Variants in IGSF1 observed in about 807,000 individuals in gnomAD.
The protein encoded by IGSF1 is immunoglobulin superfamily member 1.
IGSF1 carries 40 observed loss-of-function variants against 95.3 expected under a neutral mutation model. The observed-to-expected ratio is 0.42, with a 90% CI of 0.33 to 0.55. The LOEUF (loss-of-function observed/expected upper bound fraction) is 0.55. Ranked by LOEUF, IGSF1 falls within the 20% of genes least tolerant of loss-of-function variation. The pLI, the probability that IGSF1 is intolerant of heterozygous loss-of-function variation, is 0.10. For missense variants in IGSF1, 906 were observed against 1,025.4 expected (o/e 0.88, Z 1.59); for synonymous variants, 372 against 382.9 (o/e 0.97, Z 0.33).
intron 9 of IGSF1, among the ~76,000 whole-genome samples, chrX:131,280,600 A>G (rs2080543701): frequency 8.9e-6 from 1 of 112,090 alleles, no homozygotes; most frequent in African/African-American, 3.2e-5. Flanking sequence ...AGGAAATGGC[A>G]GGAGAATCTG....
In IGSF1 at chrX:131,282,675, C is replaced by T. The variant is rs1439079344; in HGVS notation, c.1015G>A (p.Val339Met). The T allele has an allele frequency of 8.3e-7, 1 of 1,210,707 alleles. No homozygotes were observed. The highest frequency in any genetic ancestry group is 1.8e-5 in the South Asian group (1 of 56,944). ...PSAVVQMGQN[V>M]SLRCRGPVDG... ...ACTGGTCCTCGACACCGTAGGCTCA[C>T]ATTCTGACCCATTTGGACCACAGCA... The change falls in exon 7 of 20, where the codon GTG (valine) becomes ATG (methionine). Residue 339 changes from valine (V) to methionine (M), a missense_variant. Around this residue, in one of 5 missense-constraint regions of IGSF1, gnomAD observed 442 missense variants for 448.1 expected, o/e 0.99. Transcript: ENST00000361420.
At chrX:131,277,664 C>G in intron 13 of IGSF1, 192 bp downstream of exon 13, 2 of 434,239 alleles carry the variant, frequency 4.6e-6, no homozygotes, top group South Asian at 8.6e-5. Context: ...CTATTAATAA[C>G]GATTATGGCT....
Position 131,277,149 on chromosome X carries a change from A to C in IGSF1, c.2398T>G (p.Ser800Ala). The stretch of plus-strand genomic sequence containing the variant: ...AAGCTCATATGCTGGTGGGGGGTGG[A>C]GCAATTGAAAGTCACTCGGGCACCA... The part of the protein sequence containing the change: ...TPGARVTFNC[S>A]TPHQHMSFIL... The change falls in exon 14 of 20, where the codon TCC becomes GCC. Residue 800 changes from serine to alanine, a missense_variant. By Grantham distance (99) the Ser-to-Ala change is moderately conservative (BLOSUM62 1). This residue lies in a region of IGSF1 where 411 missense variants were observed against 494.9 expected (regional missense o/e 0.83). Coordinates refer to ENST00000361420, the MANE Select transcript of IGSF1 (RefSeq NM_001555.5). 8 of 1,210,826 alleles carry C rather than the reference A, an allele frequency of 6.6e-6. No homozygotes were observed. Among genetic ancestry groups the C allele is most frequent in the Non-Finnish European group, 7.8e-6 (7 of 894,800 alleles).
intron 3 of IGSF1, 95 bp from the exon 4 acceptor site, chrX:131,286,143 G>T (rs111639568): frequency 4.3e-5 from 35 of 821,840 alleles, no homozygotes; most frequent in African/African-American, 3.1e-4. Context: ...CCCGGACCCA[G>T]ATCCCTCATT....
intron 12 of IGSF1, 126 bp downstream of exon 12, chrX:131,278,335 C>G: frequency 2.9e-6 from 2 of 697,822 alleles, no homozygotes; most frequent in Admixed American, 6.2e-5. Flanking sequence ...CCCCTCCTCT[C>G]CTACATGCAG....
Position 131,273,602 on chromosome X carries a change from G to A in IGSF1, c.*194C>T, listed in dbSNP as rs1212068359. On this transcript the variant is annotated 3_prime_UTR_variant, in exon 20 of 20. Coordinates refer to ENST00000361420, the MANE Select transcript of IGSF1 (RefSeq NM_001555.5). ...TAAATCAGTACAGTGAGGAGTTACA[G>A]GGGTGGGGAACCTCTCTTCAGGAAA... 1 of 437,177 alleles carries A rather than the reference G, an allele frequency of 2.3e-6. No homozygotes were observed. Among genetic ancestry groups the A allele is most frequent in the East Asian group, 3.6e-5 (1 of 27,685 alleles). The allele number at this position is 437,177 out of a possible 1,213,427, so 36.0% of individuals were successfully genotyped here.
chrX:131,285,687 T>C, intron 4 of IGSF1, 80 bp downstream of exon 4: 1 of 1,020,065 alleles, frequency 9.8e-7, no homozygotes, highest in Non-Finnish European at 1.3e-6. Context: ...TGCATGCATT[T>C]GTGAAACAAA....
At chrX:131,274,943 G>T in intron 17 of IGSF1, 56 bp downstream of exon 17, 1 of 1,197,845 alleles carries the variant, frequency 8.3e-7, no homozygotes, top group African/African-American at 1.7e-5. Flanking sequence ...CCCCCTTATT[G>T]CTTACTGCTA....
intron 1 of IGSF1, 71 bp from the exon 2 acceptor site, chrX:131,286,812 G>T: frequency 2.2e-6 from 1 of 461,548 alleles, no homozygotes; most frequent in Non-Finnish European, 3.6e-6. Context: ...TGGCTAAATT[G>T]CACTTGACAA....
In IGSF1 at chrX:131,274,644, T is replaced by C; in HGVS notation, c.3706A>G (p.Ile1236Val). ...CSYRLQAYPD[I>V]WSEPSDPLEL... ...AGGGGATCACTAGGCTCTGACCAGA[T>C]ATCAGGGTAGGCCTGGAGGCGGTAG... The change falls in exon 18 of 20, where the codon ATC (isoleucine) becomes GTC (valine). Residue 1236 changes from isoleucine (I) to valine (V), a missense_variant. Around this residue, in one of 5 missense-constraint regions of IGSF1, gnomAD observed 411 missense variants for 494.9 expected, o/e 0.83. Transcript: ENST00000361420. The C allele has an allele frequency of 8.3e-7, 1 of 1,211,759 alleles. No homozygotes were observed.
rs767121313 is a variant in IGSF1, at chrX:131,281,262, C to T, written c.1602G>A (p.Leu534=). The T allele has an allele frequency of 2.6e-5, 32 of 1,208,746 alleles. 1 individual carries two copies. In the South Asian group the frequency reaches 5.5e-4, roughly 21 times the overall value. The change falls in exon 9 of 20, where the codon TTG becomes TTA. Residue 534 remains leucine, a synonymous_variant. Transcript: ENST00000361420. ...ACTTCCACCTTATCCACAGCACTAC[C>T]AACAGCAAGGCAACAAGCTGCATGA... is the stretch of plus-strand genomic sequence containing the variant. ...SLIMQLVALL[L]VVLWIRWKCR...
intron 4 of IGSF1, 78 bp from the exon 5 acceptor site, chrX:131,285,544 T>A: frequency 9.9e-7 from 1 of 1,015,060 alleles, no homozygotes; most frequent in Non-Finnish European, 1.3e-6. Flanking sequence ...GAGCTCTACT[T>A]TAATTGAGGT....
At position 131,285,450 on chromosome X, in the gene IGSF1, G is replaced by A; in HGVS notation, c.396C>T (p.Pro132=). 1 of 1,207,021 alleles carries A rather than the reference G, an allele frequency of 8.3e-7. No homozygotes were observed. Among genetic ancestry groups the A allele is most frequent in the Non-Finnish European group, 1.1e-6 (1 of 892,957 alleles). ...ELEAPGQLPK[P]IFWIQAETPA... is the part of the protein sequence containing the mutation. ...GGGTCTCAGCCTGAATCCAGAAGAT[G>A]GGCTTGGGCAGTTGGCCTGGAAGGA... The change falls in exon 5 of 20, where the codon CCC becomes CCT. Residue 132 remains proline, a synonymous_variant. Transcript: ENST00000361420.
In IGSF1 at chrX:131,285,313, G is replaced by T. The variant is rs752845463; in HGVS notation, c.533C>A (p.Thr178Asn). Residue 178 changes from threonine (T) to asparagine (N), a missense_variant, in exon 5 of 20, where the codon ACT becomes AAT. Physicochemically the swap from Thr to Asn is moderately conservative, Grantham distance 65. Transcript: ENST00000361420. ...AATGGAGAATATGGCCATTGTCCCAGTTGGGACTTGGTAATCCACAGGCTC... is the reference window on the plus strand; with the variant it reads ...AATGGAGAATATGGCCATTGTCCCATTTGGGACTTGGTAATCCACAGGCTC... The part of the protein sequence containing the change: ...YAEPVDYQVP[T>N]GTMAIFSIDN... 14 of 1,210,617 alleles carry T rather than the reference G, an allele frequency of 1.2e-5. No individual in the cohort carries two copies. Among genetic ancestry groups the T allele is most frequent in the African/African-American group, 1.7e-5 (1 of 57,835 alleles).
chrX:131,277,487 T>C (rs774078128), intron 13 of IGSF1: 668 of 371,025 alleles, frequency 1.8e-3, no homozygotes, highest in Non-Finnish European at 2.8e-3. Flanking sequence ...AGTAAAAAGG[T>C]AGAATTTTTC....
chrX:131,289,356 C>A, upstream of IGSF1: 1 of 366,008 alleles, frequency 2.7e-6, no homozygotes, highest in Non-Finnish European at 5.3e-6. Flanking sequence ...GCCCGCCTGC[C>A]GGCCCGCCCC....
In IGSF1 at chrX:131,285,369, C is replaced by CA. The variant is rs771918430; in HGVS notation, c.476dup (p.Leu159PhefsTer7). 2 of 1,211,133 alleles carry CA rather than the reference C, an allele frequency of 1.7e-6. No homozygotes were observed. ...ATCCCTCTTTAAACAGCATGAATAC[C>CA]AAATCCTGCAGCCAGCCATGGCAGA... On this transcript the variant is annotated frameshift_variant, in exon 5 of 20. Coordinates refer to ENST00000361420, the MANE Select transcript of IGSF1 (RefSeq NM_001555.5). LOFTEE classifies it high-confidence loss of function.
intron 16 of IGSF1, 27 bp downstream of exon 16, chrX:131,275,451 G>T (rs377526578): frequency 7.5e-6 from 9 of 1,194,627 alleles, no homozygotes; most frequent in African/African-American, 1.8e-5. Flanking sequence ...ACACTTCCAT[G>T]CCCACTCGAC....
At chrX:131,282,144 A>G (rs1007865859) in intron 7 of IGSF1, among the ~76,000 whole-genome samples, 200 bp from the exon 8 acceptor site, 10 of 111,256 alleles carry the variant, frequency 9.0e-5, no homozygotes, top group African/African-American at 2.3e-4. Flanking sequence ...CTTACCTTCA[A>G]TCAGGAAGAC....
Sources: gnomAD v4.1 joint callset for allele counts (sites outside exome capture counted in the v4.1 genomes callset) on GRCh38, gnomAD v4.1.1 for gene constraint, gnomAD v4.1.1 regional missense constraint, MANE v1.5 for transcripts, NCBI Gene and HGNC (gene_info 2026-07-23, HGNC 2026-07-21) for gene names.